The following RAB11FIP4 variants were observed in gnomAD, a reference collection of about 807,000 sequenced individuals.
RAB11FIP4 encodes RAB11 family interacting protein 4.
In RAB11FIP4, 23 loss-of-function variants were observed where a neutral mutation model predicts 74.3. The ratio of observed to expected loss-of-function variants is 0.31; its 90% CI spans 0.22 to 0.44. The LOEUF (loss-of-function observed/expected upper bound fraction) is 0.44. Ranked by LOEUF, RAB11FIP4 falls within the 20% of genes least tolerant of loss-of-function variation. The pLI is 1.00. For missense variants in RAB11FIP4, 630 were observed against 863.9 expected (o/e 0.73, Z 3.39); for synonymous variants, 360 against 359.9 (o/e 1.00, Z 0.00).
In RAB11FIP4 at chr17:31,419,078, G is replaced by T. The variant is rs562861700; in HGVS notation, c.160-12735G>T. The stretch of plus-strand genomic sequence containing the variant: ...TTTCTTTCCCGTAGCATAATCATTT[G>T]TTCTTTTTGGTTAGGGAACACTTGC... On this transcript the variant is annotated intron_variant, in intron 1 of 14. Coordinates refer to ENST00000621161, the MANE Select transcript of RAB11FIP4 (RefSeq NM_032932.6). 2.0e-5 allele frequency among the ~76,000 whole-genome samples: 3 copies of T among 152,268 alleles called. No individual in the cohort carries two copies. In the South Asian group the frequency reaches 6.2e-4, roughly 32 times the overall value.
intron 3 of RAB11FIP4, among the ~76,000 whole-genome samples, chr17:31,448,655 G>A (rs1473359353): frequency 6.6e-6 from 1 of 152,092 alleles, no homozygotes; most frequent in Non-Finnish European, 1.5e-5. Context: ...TCCATGGGCA[G>A]GCTCCAGGAA....
intron 3 of RAB11FIP4, among the ~76,000 whole-genome samples, chr17:31,505,822 C>T (rs1362739739): frequency 6.9e-6 from 1 of 145,730 alleles, no homozygotes; most frequent in Non-Finnish European, 1.5e-5. Flanking sequence ...CCTTTGGCCT[C>T]AGCCTCCCGA....
intron 3 of RAB11FIP4, among the ~76,000 whole-genome samples, chr17:31,467,394 C>T (rs1180939962): frequency 1.3e-5 from 2 of 152,324 alleles, no homozygotes; most frequent in South Asian, 2.1e-4. Context: ...GCTGAGAATA[C>T]AGGCGTGAGC....
intron 3 of RAB11FIP4, among the ~76,000 whole-genome samples, chr17:31,456,294 C>T (rs1035909510): frequency 3.0e-5 from 4 of 131,416 alleles, no homozygotes; most frequent in African/African-American, 8.0e-5. Context: ...CTTGGCCCAG[C>T]CTTCTAGGCT....
intron 3 of RAB11FIP4, among the ~76,000 whole-genome samples, chr17:31,464,901 C>G (rs1039446135): frequency 1.4e-4 from 21 of 151,842 alleles, no homozygotes; most frequent in Admixed American, 2.6e-4. Flanking sequence ...GCAGGAACTA[C>G]AGGCACGTAC....
chr17:31,391,685 G>GGGCTGCGGCGCCGCTGCTGACACGGATC lies in RAB11FIP4; in HGVS notation c.-164_-137dup, dbSNP rs2070871969. Reference sequence around the variant, plus strand: ...CCTCCCTTCCCCTCCGGAGCGGCTGGGGCTGCGGCGCCGCTGCTGACACGG... The same window carrying GGGCTGCGGCGCCGCTGCTGACACGGATC: ...CCTCCCTTCCCCTCCGGAGCGGCTGGGGCTGCGGCGCCGCTGCTGACACGGATCGGCTGCGGCGCCGCTGCTGACACGG... On this transcript the variant is annotated 5_prime_UTR_variant, in exon 1 of 15. Transcript: ENST00000621161. The GGGCTGCGGCGCCGCTGCTGACACGGATC allele has an allele frequency of 3.4e-6, 1 of 293,156 alleles. No homozygotes were observed. The highest frequency in any genetic ancestry group is 1.3e-4 in the South Asian group (1 of 7,998). 18.2% of individuals were successfully genotyped at this position (293,156 alleles called of 1,614,324 possible).
At chr17:31,504,111 A>T (rs1278936921) in intron 3 of RAB11FIP4, among the ~76,000 whole-genome samples, 1 of 148,178 alleles carries the variant, frequency 6.7e-6, no homozygotes, top group Non-Finnish European at 1.5e-5. Context: ...TCATGTTTCC[A>T]TATAATGTTT....
At chr17:31,479,866 G>T (rs145457579) in intron 3 of RAB11FIP4, among the ~76,000 whole-genome samples, 2 of 152,052 alleles carry the variant, frequency 1.3e-5, no homozygotes, top group South Asian at 4.2e-4. Flanking sequence ...CTTCTCTCTC[G>T]GCCTGTTTCC....
At chr17:31,474,997 T>C (rs1036939405) in intron 3 of RAB11FIP4, among the ~76,000 whole-genome samples, 8 of 152,064 alleles carry the variant, frequency 5.3e-5, no homozygotes, top group African/African-American at 1.9e-4. Flanking sequence ...AGGGAGGAAC[T>C]TGAAGGAACG....
At position 31,525,207 on chromosome 17, in the gene RAB11FIP4, C is replaced by T. The variant is rs746502349; in HGVS notation, c.1251C>T (p.Thr417=). The change falls in exon 10 of 15, where the codon ACC becomes ACT. Residue 417 remains threonine, a synonymous_variant. Coordinates refer to ENST00000621161, the MANE Select transcript of RAB11FIP4 (RefSeq NM_032932.6). ...AYGKLEREKA[T]EVELLNARVQ... Reference sequence around the variant, plus strand: ...GCAAGCTGGAGAGGGAGAAGGCTACCGAGGTGGAGCTGCTCAATGCCAGGT... The same window carrying T: ...GCAAGCTGGAGAGGGAGAAGGCTACTGAGGTGGAGCTGCTCAATGCCAGGT... 25 of 1,548,154 alleles carry T rather than the reference C, an allele frequency of 1.6e-5. No individual in the cohort carries two copies. The East Asian group carries it at 2.4e-4, about 15-fold the overall frequency.
intron 10 of RAB11FIP4, chr17:31,527,600 AAAAG>A (rs754577256): frequency 6.3e-5 from 30 of 473,120 alleles, no homozygotes; most frequent in Non-Finnish European, 8.1e-5. Flanking sequence ...TCTCAAAAAA[AAAAG>A]AAAGAAAATA....
chr17:31,489,536 T>C (rs2071966754), intron 3 of RAB11FIP4, among the ~76,000 whole-genome samples: 1 of 152,174 alleles, frequency 6.6e-6, no homozygotes, highest in Non-Finnish European at 1.5e-5. Flanking sequence ...GCCCAAACCT[T>C]ACCCTGCTTT....
intron 3 of RAB11FIP4, chr17:31,487,967 CCCCCGCCCCGCCCCGGCGCGAGG>C (rs2071928826): frequency 7.2e-6 from 6 of 837,224 alleles, no homozygotes; most frequent in South Asian, 5.5e-5. Flanking sequence ...TCCGCCCCCG[CCCCCGCCCCGCCCCGGCGCGAGG>C]CCCCGCCCCC....
At chr17:31,439,204 C>G (rs1413076439) in intron 3 of RAB11FIP4, among the ~76,000 whole-genome samples, 1 of 152,208 alleles carries the variant, frequency 6.6e-6, no homozygotes, top group East Asian at 1.9e-4. Context: ...GGGTGTGTCT[C>G]TAAGTATTTC....
intron 1 of RAB11FIP4, among the ~76,000 whole-genome samples, chr17:31,395,071 T>C (rs1567641204): frequency 1.3e-5 from 2 of 152,160 alleles, no homozygotes; most frequent in African/African-American, 4.8e-5. Flanking sequence ...TCATTAGATA[T>C]GTAGTTCAGT....
chr17:31,473,306 G>A (rs987427152), intron 3 of RAB11FIP4, among the ~76,000 whole-genome samples: 4 of 151,974 alleles, frequency 2.6e-5, no homozygotes, highest in African/African-American at 7.2e-5. Context: ...TTGGGAGGCT[G>A]AGGCAGGTGG....
intron 3 of RAB11FIP4, chr17:31,488,114 G>C: frequency 9.7e-7 from 1 of 1,025,652 alleles, no homozygotes. Flanking sequence ...TTCCACTGGT[G>C]CCCAGAAGTG....
chr17:31,414,879 A>G (rs1327306877), intron 1 of RAB11FIP4, among the ~76,000 whole-genome samples: 1 of 152,252 alleles, frequency 6.6e-6, no homozygotes, highest in African/African-American at 2.4e-5. Context: ...AGGCAAGTGT[A>G]TTCTTCCTTA....
rs894226941 is a variant in RAB11FIP4 at position 31,538,194 on chromosome 17, A to G, written c.*6462A>G. 1 of 152,280 alleles carries G rather than the reference A, an allele frequency of 6.6e-6. No individual in the cohort carries two copies. Among genetic ancestry groups the G allele is most frequent in the Non-Finnish European group, 1.5e-5 (1 of 68,084 alleles). The allele number at this position is 152,280 out of a possible 1,614,324, so 9.4% of individuals were successfully genotyped here. On this transcript the variant is annotated 3_prime_UTR_variant, in exon 15 of 15. Coordinates refer to ENST00000621161, the MANE Select transcript of RAB11FIP4 (RefSeq NM_032932.6). ...GTACTGTACAGACCAAGGTGTAAAT[A>G]AACAGTTTGCTCTTCTCGCCTGACT...
Sources: gnomAD v4.1 joint callset for allele counts (sites outside exome capture counted in the v4.1 genomes callset) on GRCh38, gnomAD v4.1.1 for gene constraint, MANE v1.5 for transcripts, NCBI Gene and HGNC (gene_info 2026-07-23, HGNC 2026-07-21) for gene names.